IGSF10: variants seen among roughly 807,000 people sequenced by gnomAD.
The protein encoded by IGSF10 is calvaria mechanical force protein 608.
In IGSF10, 126 loss-of-function variants were observed where a neutral mutation model predicts 128.2. The ratio of observed to expected loss-of-function variants is 0.98; its 90% CI spans 0.85 to 1.14. The LOEUF is 1.14. Among genes scored for constraint, IGSF10 ranks in the 50% most tolerant of loss-of-function variants. The pLI is 0.00. For synonymous variants in IGSF10, 1,185 were observed against 1,146.2 expected (o/e 1.03, Z -0.68); for missense variants, 3,295 against 3,149.8 (o/e 1.05, Z -1.10).
chr3:151,464,335 C>G (rs181686748), upstream of IGSF10, among the ~76,000 whole-genome samples: 1 of 152,198 alleles, frequency 6.6e-6, no homozygotes, highest in Admixed American at 6.5e-5. Context: ...CTAGTAAACA[C>G]GACAATAAAT....
chr3:151,472,429 A>G, the IGSF10 span, among the ~76,000 whole-genome samples: 7 of 152,292 alleles, frequency 4.6e-5, no homozygotes, highest in Admixed American at 4.6e-4. Flanking sequence ...TTATTGGGCA[A>G]GTTATAAAGC....
chr3:151,555,031 G>A, the IGSF10 span, among the ~76,000 whole-genome samples: 8 of 152,014 alleles, frequency 5.3e-5, no homozygotes, highest in Non-Finnish European at 1.2e-4. Context: ...CTTGAAGTAC[G>A]TGGCACCAGC....
chr3:151,449,317 C>T, intron 5 of IGSF10, 52 bp from the exon 6 acceptor site: 1 of 1,444,536 alleles, frequency 6.9e-7, no homozygotes, highest in Non-Finnish European at 9.2e-7. Context: ...TATGAATTGA[C>T]ACAAACATTT....
chr3:151,528,122 G>T, the IGSF10 span, among the ~76,000 whole-genome samples: 42 of 152,084 alleles, frequency 2.8e-4, no homozygotes, highest in African/African-American at 9.2e-4. Flanking sequence ...GATACAGTAG[G>T]TTAAGCTCTT....
At chr3:151,460,817 C>T (rs987832850) in intron 1 of IGSF10, 129 bp downstream of exon 1, 9 of 567,462 alleles carry the variant, frequency 1.6e-5, no homozygotes, top group Non-Finnish European at 2.0e-5. Flanking sequence ...GTCTTCCCTC[C>T]CCCACCCTCA....
At position 151,456,780 on chromosome 3, in the gene IGSF10, G is replaced by A. The variant is rs531176715; in HGVS notation, c.324+246C>T. 4.6e-5 allele frequency among the ~76,000 whole-genome samples: 7 copies of A among 152,226 alleles called. No individual in the cohort carries two copies. In the South Asian group the frequency reaches 1.0e-3, roughly 23 times the overall value. Reference sequence around the variant, plus strand: ...TAGGATTAAATTTTGAAGGTTTATCGTCTCTGGGTATTGATTTTTTTTCTA... The same window carrying A: ...TAGGATTAAATTTTGAAGGTTTATCATCTCTGGGTATTGATTTTTTTTCTA... On this transcript the variant is annotated intron_variant, in intron 4 of 7. Coordinates refer to ENST00000282466, the MANE Select transcript of IGSF10 (RefSeq NM_178822.5).
chr3:151,580,374 G>C, the IGSF10 span, among the ~76,000 whole-genome samples: 1 of 58,586 alleles, frequency 1.7e-5, no homozygotes, highest in East Asian at 4.3e-4. Flanking sequence ...ACAGAAACCT[G>C]GATCTACACA....
At position 151,453,411 on chromosome 3, in the gene IGSF10, A is replaced by G. The variant is rs753133262; in HGVS notation, c.688T>C (p.Leu230=). 5.0e-6 allele frequency: 8 copies of G among 1,603,974 alleles called. 1 individual carries two copies. Among genetic ancestry groups the G allele is most frequent in the Non-Finnish European group, 6.8e-6 (8 of 1,177,276 alleles). The change falls in exon 5 of 8, where the codon TTG becomes CTG. Residue 230 remains leucine (L), a synonymous_variant. Coordinates refer to ENST00000282466, the MANE Select transcript of IGSF10 (RefSeq NM_178822.5). ...GGCTTCTCCTGTATCCAGTCAGACA[A>G]CCACTTTAAATGGCAATCACAGGTC... ...PWTCDCHLKW[L]SDWIQEKPDV...
the IGSF10 span, among the ~76,000 whole-genome samples, chr3:151,529,361 G>C: frequency 6.6e-6 from 1 of 152,170 alleles, no homozygotes. Flanking sequence ...CTCTGCTAAG[G>C]GTCAGACTGT....
At chr3:151,477,563 T>A in the IGSF10 span, among the ~76,000 whole-genome samples, 131 of 152,366 alleles carry the variant, frequency 8.6e-4, no homozygotes, top group South Asian at 0.011. Flanking sequence ...TCTCTTGAAA[T>A]AAGCTATAGA....
intron 5 of IGSF10, among the ~76,000 whole-genome samples, chr3:151,450,026 A>G (rs1455845366): frequency 6.6e-6 from 1 of 152,132 alleles, no homozygotes; most frequent in Non-Finnish European, 1.5e-5. Flanking sequence ...AGGGGGAGGG[A>G]AGAACATTTT....
At chr3:151,589,195 A>G in the IGSF10 span, among the ~76,000 whole-genome samples, 2 of 152,328 alleles carry the variant, frequency 1.3e-5, no homozygotes, top group South Asian at 4.1e-4. Flanking sequence ...AAGCCTTGTT[A>G]GCTTGTTAGC....
chr3:151,528,607 G>T, the IGSF10 span, among the ~76,000 whole-genome samples: 1 of 152,112 alleles, frequency 6.6e-6, no homozygotes, highest in African/African-American at 2.4e-5. Context: ...AAGGGTTGGG[G>T]GATTTCCCTC....
At chr3:151,476,346 CA>C in the IGSF10 span, among the ~76,000 whole-genome samples, 27 of 152,112 alleles carry the variant, frequency 1.8e-4, no homozygotes, top group African/African-American at 6.3e-4. Context: ...TGTGGAGAAA[CA>C]TGCTGTTTTA....
chr3:151,451,162 T>C (rs1638714238), intron 5 of IGSF10, among the ~76,000 whole-genome samples: 1 of 152,094 alleles, frequency 6.6e-6, no homozygotes, highest in Non-Finnish European at 1.5e-5. Context: ...TCCAGCCCCA[T>C]GGAAATCCTT....
the IGSF10 span, among the ~76,000 whole-genome samples, chr3:151,483,880 G>A: frequency 1.3e-5 from 2 of 152,158 alleles, no homozygotes; most frequent in African/African-American, 4.8e-5. Flanking sequence ...GCAGCTGTTT[G>A]GGCAGACACT....
chr3:151,453,589 T>C lies in IGSF10; in HGVS notation c.510A>G (p.Pro170=). ...LEGNQLTKLH[P]DTFVSLSYLQ... is the part of the protein sequence containing the mutation. The stretch of plus-strand genomic sequence containing the variant: ...GGTAGCTCAAAGAGACAAATGTATC[T>C]GGGTGGAGCTTAGTGAGCTGATTTC... Residue 170 remains proline (P), a synonymous_variant, in exon 5 of 8, where the codon CCA becomes CCG. Coordinates refer to ENST00000282466, the MANE Select transcript of IGSF10 (RefSeq NM_178822.5). The C allele has an allele frequency of 6.2e-7, 1 of 1,613,986 alleles. No individual in the cohort carries two copies. Among genetic ancestry groups the C allele is most frequent in the Non-Finnish European group, 8.5e-7 (1 of 1,179,876 alleles).
Position 151,448,426 on chromosome 3 carries a change from C to T in IGSF10, c.1555G>A (p.Ala519Thr), listed in dbSNP as rs1721335529. Residue 519 changes from alanine (A) to threonine (T), a missense_variant, in exon 6 of 8, where the codon GCC becomes ACC. Transcript: ENST00000282466. ...WLLADGSKVRAPYVSEDGRIL... is the reference protein window; with the variant it reads ...WLLADGSKVRTPYVSEDGRIL... ...CGTCCATCCTCACTGACATAAGGGGCTCTCACTTTACTTCCATCAGCTAGA... is the reference window on the plus strand; with the variant it reads ...CGTCCATCCTCACTGACATAAGGGGTTCTCACTTTACTTCCATCAGCTAGA... 6.2e-7 allele frequency: 1 copy of T among 1,614,204 alleles called. No homozygotes were observed. Among genetic ancestry groups the T allele is most frequent in the Non-Finnish European group, 8.5e-7 (1 of 1,180,028 alleles).
chr3:151,496,864 T>C, the IGSF10 span, among the ~76,000 whole-genome samples: 3 of 151,916 alleles, frequency 2.0e-5, no homozygotes, highest in Non-Finnish European at 2.9e-5. Flanking sequence ...TTTTAATGAT[T>C]GCCATTCTAA....
Sources: allele counts gnomAD v4.1 joint callset (sites outside exome capture counted in the v4.1 genomes callset), GRCh38; gene constraint gnomAD v4.1.1; transcripts MANE v1.5; gene names NCBI Gene and HGNC (gene_info 2026-07-23, HGNC 2026-07-21).